The following FAT3 variants were observed in gnomAD, a reference collection of about 807,000 sequenced individuals.
The protein encoded by FAT3 is protocadherin Fat 3.
FAT3 carries 95 observed loss-of-function variants against 310.2 expected under a neutral mutation model. The ratio of observed to expected loss-of-function variants is 0.31; its 90% CI spans 0.26 to 0.36. The LOEUF (loss-of-function observed/expected upper bound fraction) is 0.36, where lower values mean the gene tolerates loss of function less well. Among genes scored for constraint, FAT3 ranks in the 10% least tolerant of loss-of-function variants. FAT3 has a pLI of 1.00. For missense variants in FAT3, 5,408 were observed against 5,715.6 expected, an observed-to-expected ratio of 0.95 and a Z score of 1.74; for synonymous variants, 2,314 against 2,192.9, an observed-to-expected ratio of 1.06 and a Z score of -1.54.
At chr11:92,563,652 C>G (rs1415496414) in intron 3 of FAT3, among the ~76,000 whole-genome samples, 2 of 151,896 alleles carry the variant, frequency 1.3e-5, no homozygotes, top group Non-Finnish European at 2.9e-5. Context: ...AAATTCATAC[C>G]CTCAAAGGGA....
intron 2 of FAT3, among the ~76,000 whole-genome samples, chr11:92,472,012 CTA>C (rs750122512): frequency 7.5e-4 from 110 of 146,786 alleles, no homozygotes; most frequent in Admixed American, 2.2e-3. Flanking sequence ...AATTTATAGA[CTA>C]TTTTTAAAAT....
rs1483589750 is a variant in FAT3, at chr11:92,799,076, C to G, written c.6063C>G (p.Asn2021Lys). The G allele has an allele frequency of 5.6e-6, 9 of 1,613,780 alleles. No homozygotes were observed. The highest frequency in any genetic ancestry group is 7.6e-6 in the Non-Finnish European group (9 of 1,179,878). ...AGCCCTTAAAATACAGCATCTTAAA[C>G]CCAGGAAATAAGTTCAAGATAAAAT... ...LNEPLKYSIL[N>K]PGNKFKIKST... The change falls in exon 10 of 28, where the codon AAC becomes AAG. Residue 2021 changes from asparagine to lysine, a missense_variant. Physicochemically the swap from Asn to Lys is moderately conservative, Grantham distance 94 (BLOSUM62 0). This residue lies in a region of FAT3 where 4,588 missense variants were observed against 4,809.8 expected (regional missense o/e 0.95). Coordinates refer to ENST00000525166, the MANE Select transcript of FAT3 (RefSeq NM_001367949.2).
chr11:92,288,510 T>A (rs1368336057), intron 1 of FAT3, among the ~76,000 whole-genome samples: 2 of 152,112 alleles, frequency 1.3e-5, no homozygotes, highest in Admixed American at 1.3e-4. Context: ...TCTCCTGTCG[T>A]TTAACTCTAT....
chr11:92,390,563 C>T (rs929296712), intron 2 of FAT3, among the ~76,000 whole-genome samples: 1 of 152,184 alleles, frequency 6.6e-6, no homozygotes, highest in East Asian at 1.9e-4. Flanking sequence ...AATCCATAGT[C>T]CTCCCAGTGC....
At chr11:92,234,436 A>G (rs2134236502) in intron 1 of FAT3, among the ~76,000 whole-genome samples, 1 of 152,312 alleles carries the variant, frequency 6.6e-6, no homozygotes, top group Admixed American at 6.5e-5. Context: ...AGAAATGTCC[A>G]CCTAGTTTAT....
intron 7 of FAT3, among the ~76,000 whole-genome samples, chr11:92,786,794 G>T (rs964422118): frequency 6.6e-6 from 1 of 152,076 alleles, no homozygotes; most frequent in African/African-American, 2.4e-5. Flanking sequence ...TTAAAAATGG[G>T]CACAAGGCTC....
At chr11:92,322,615 T>C (rs1434128549) in intron 1 of FAT3, among the ~76,000 whole-genome samples, 2 of 152,236 alleles carry the variant, frequency 1.3e-5, no homozygotes, top group Admixed American at 6.5e-5. Flanking sequence ...ATTAACCAAG[T>C]TTATGGAATA....
intron 1 of FAT3, among the ~76,000 whole-genome samples, chr11:92,317,426 C>A (rs1947493336): frequency 6.6e-6 from 1 of 152,068 alleles, no homozygotes; most frequent in African/African-American, 2.4e-5. Flanking sequence ...AAAGTGCTGG[C>A]CAAGGTAGCC....
At chr11:92,586,123 G>C (rs1034868400) in intron 3 of FAT3, among the ~76,000 whole-genome samples, 1 of 152,022 alleles carries the variant, frequency 6.6e-6, no homozygotes, top group African/African-American at 2.4e-5. Flanking sequence ...GTAAAGGCTT[G>C]ATTGACTCTT....
chr11:92,302,904 A>G (rs776744762), intron 1 of FAT3, among the ~76,000 whole-genome samples: 1 of 152,152 alleles, frequency 6.6e-6, no homozygotes, highest in Non-Finnish European at 1.5e-5. Context: ...ATAAGCACAG[A>G]TTCAGGCTTT....
At chr11:92,671,037 T>C (rs1012945748) in intron 3 of FAT3, among the ~76,000 whole-genome samples, 3 of 151,768 alleles carry the variant, frequency 2.0e-5, no homozygotes, top group Non-Finnish European at 2.9e-5. Context: ...TCACGGTTTT[T>C]GTTTTTTGTT....
chr11:92,452,201 C>T lies in FAT3; in HGVS notation c.3293-72433C>T, dbSNP rs140004959. ...TTAGTGTTCCATACTGTGACTGCTC[C>T]CTGCTGCTGAGCTCTCCTAATTAAC... is the stretch of plus-strand genomic sequence containing the variant. On this transcript the variant is annotated intron_variant, in intron 2 of 27. Coordinates refer to ENST00000525166, the MANE Select transcript of FAT3 (RefSeq NM_001367949.2). Among the ~76,000 whole-genome samples, 46 of 152,236 alleles carry T rather than the reference C, an allele frequency of 3.0e-4. 1 individual carries two copies. In the East Asian group the frequency reaches 8.7e-3, roughly 29 times the overall value.
chr11:92,245,751 G>C (rs1864876736), intron 1 of FAT3, among the ~76,000 whole-genome samples: 1 of 152,118 alleles, frequency 6.6e-6, no homozygotes, highest in Non-Finnish European at 1.5e-5. Context: ...AACTTTATTT[G>C]CAAAAACTGG....
chr11:92,261,600 A>G (rs951760957), intron 1 of FAT3, among the ~76,000 whole-genome samples: 2 of 152,128 alleles, frequency 1.3e-5, no homozygotes, highest in African/African-American at 4.8e-5. Flanking sequence ...TCAGAGTAGC[A>G]CAACAAAATT....
At chr11:92,717,331 AT>A (rs957127062) in intron 4 of FAT3, among the ~76,000 whole-genome samples, 16 of 152,312 alleles carry the variant, frequency 1.1e-4, no homozygotes, top group African/African-American at 3.6e-4. Flanking sequence ...TTGCTTTCCA[AT>A]GGGGGTCCTA....
At chr11:92,270,665 G>C (rs1049083368) in intron 1 of FAT3, among the ~76,000 whole-genome samples, 3 of 151,956 alleles carry the variant, frequency 2.0e-5, no homozygotes, top group African/African-American at 4.8e-5. Flanking sequence ...CAGCCTGGGG[G>C]ACAAGAGCAA....
intron 2 of FAT3, among the ~76,000 whole-genome samples, chr11:92,496,354 C>T (rs1332342695): frequency 6.6e-6 from 1 of 152,028 alleles, no homozygotes; most frequent in Non-Finnish European, 1.5e-5. Context: ...CCACCGCACC[C>T]TCTGCTGTTC....
intron 1 of FAT3, among the ~76,000 whole-genome samples, chr11:92,350,782 G>A (rs1007629609): frequency 2.0e-5 from 3 of 152,240 alleles, no homozygotes; most frequent in African/African-American, 4.8e-5. Context: ...AAAAATGACT[G>A]ACACAGTGCC....
rs2136419437 is a variant in FAT3 at position 92,883,424 on chromosome 11, G to C, written c.12937+31G>C. The stretch of plus-strand genomic sequence containing the variant: ...TAGGAAGTGGTAATGCTCACCCCTC[G>C]GTGCTTACAGGGAACCTGCAGGGGC... On this transcript the variant is annotated intron_variant, in intron 24 of 27. Transcript: ENST00000525166. The surrounding 1 kb of genome is among the most constrained non-coding windows in gnomAD (Gnocchi z 4.2). The C allele has an allele frequency of 6.4e-7, 1 of 1,567,402 alleles. No homozygotes were observed. Among genetic ancestry groups the C allele is most frequent in the East Asian group, 2.3e-5 (1 of 44,358 alleles).
Sources: gnomAD v4.1 joint callset for allele counts (sites outside exome capture counted in the v4.1 genomes callset) on GRCh38, gnomAD v4.1.1 for gene constraint, gnomAD v4.1.1 regional missense constraint, Gnocchi (gnomAD v3.1) non-coding constraint, MANE v1.5 for transcripts, NCBI Gene and HGNC (gene_info 2026-07-23, HGNC 2026-07-21) for gene names.